Variants in ZNF737 observed in about 807,000 individuals in gnomAD.
ZNF737 encodes zinc finger protein 737, also known as zinc finger protein 102 (Y3).
ZNF737 carries 13 observed loss-of-function variants against 11.7 expected under a neutral mutation model. The ratio of observed to expected loss-of-function variants is 1.11; its 90% confidence interval spans 0.73 to 1.77. ZNF737 has a LOEUF of 1.77. ZNF737 is among the 40% of genes most tolerant of loss of function. The probability of loss-of-function intolerance (pLI) is 0.00; values close to 1 mark genes in which losing one functional copy is unlikely to be tolerated. For missense variants in ZNF737, 636 were observed against 638.0 expected (o/e 1.00, Z 0.03); for synonymous variants, 217 against 216.2 (o/e 1.00, Z -0.03).
chr19:20,539,040 A>T lies in ZNF737; in HGVS notation c.*5552T>A. ...GCTGGGAAAAGTGGCTCATGCCTGT[A>T]ATCCCAGCACTCTGGGAGGCTGAGG... is the stretch of plus-strand genomic sequence containing the variant. On this transcript the variant is annotated 3_prime_UTR_variant, in exon 4 of 4. Coordinates refer to ENST00000427401, the MANE Select transcript of ZNF737 (RefSeq NM_001159293.2). The T allele has an allele frequency of 1.0e-6, 1 of 975,612 alleles. No homozygotes were observed. Among genetic ancestry groups the T allele is most frequent in the Non-Finnish European group, 1.2e-6 (1 of 821,026 alleles). 60.4% of individuals were successfully genotyped at this position (975,612 alleles called of 1,614,324 possible).
At chr19:20,560,572 G>A (rs1181857105) in intron 1 of ZNF737, among the ~76,000 whole-genome samples, 4 of 152,120 alleles carry the variant, frequency 2.6e-5, no homozygotes, top group Admixed American at 2.6e-4. Context: ...CTTGAGGTCA[G>A]GAGTTCGAGA....
At chr19:20,557,843 CT>C (rs1201598306) in intron 1 of ZNF737, among the ~76,000 whole-genome samples, 1 of 152,092 alleles carries the variant, frequency 6.6e-6, no homozygotes, top group African/African-American at 2.4e-5. Flanking sequence ...TCCCAAACTC[CT>C]GACCTTGTGA....
downstream of ZNF737, among the ~76,000 whole-genome samples, chr19:20,532,042 C>CT (rs1967843133): frequency 6.7e-6 from 1 of 150,014 alleles, no homozygotes; most frequent in South Asian, 2.2e-4. Flanking sequence ...ATCAACAAAG[C>CT]TCTATCTTCA....
intron 1 of ZNF737, among the ~76,000 whole-genome samples, chr19:20,559,475 C>A (rs1350231010): frequency 1.2e-5 from 1 of 84,894 alleles, no homozygotes; most frequent in Non-Finnish European, 2.5e-5. Flanking sequence ...CCACATGTGG[C>A]TAAGAAGTAC....
rs904138902 is a variant in ZNF737, at chr19:20,542,175, C to T, written c.*2417G>A. The T allele has an allele frequency of 9.1e-6, 9 of 984,434 alleles. No homozygotes were observed. The highest frequency in any genetic ancestry group is 5.3e-5 in the African/African-American group (3 of 57,112). The allele number at this position is 984,434 out of a possible 1,614,324, so 61.0% of individuals were successfully genotyped here. A position where few individuals can be genotyped will look rare whatever the true frequency, so the allele number is the denominator to read the frequency against. On this transcript the variant is annotated 3_prime_UTR_variant, in exon 4 of 4. Coordinates refer to ENST00000427401, the MANE Select transcript of ZNF737 (RefSeq NM_001159293.2). ...GCACAATAATGGTTCATTAAACGCA[C>T]GGTAGTCTTACCATGGTAAAAATAA...
In ZNF737 at chr19:20,544,195, C is replaced by A; in HGVS notation, c.*397G>T. ...TTCCTCAAACTTGTAGGATTTTTGTCCAGCATGAATTATGTGTAAGAAGGG... is the reference window on the plus strand; with the variant it reads ...TTCCTCAAACTTGTAGGATTTTTGTACAGCATGAATTATGTGTAAGAAGGG... On this transcript the variant is annotated 3_prime_UTR_variant, in exon 4 of 4. Coordinates refer to ENST00000427401, the MANE Select transcript of ZNF737 (RefSeq NM_001159293.2). The A allele has an allele frequency of 4.0e-6, 4 of 1,010,974 alleles. No individual in the cohort carries two copies. The highest frequency in any genetic ancestry group is 4.7e-6 in the Non-Finnish European group (4 of 845,986). 62.6% of individuals were successfully genotyped at this position (1,010,974 alleles called of 1,614,324 possible). A position where few individuals can be genotyped will look rare whatever the true frequency, so the allele number is the denominator to read the frequency against.
At chr19:20,562,071 A>T (rs1368146062) in intron 1 of ZNF737, among the ~76,000 whole-genome samples, 3 of 152,188 alleles carry the variant, frequency 2.0e-5, no homozygotes, top group Non-Finnish European at 2.9e-5. Context: ...ATGGAAAGAA[A>T]CACTGTTCCC....
In ZNF737 at chr19:20,552,502, T is replaced by C; in HGVS notation, c.199A>G (p.Lys67Glu). 1 of 1,595,986 alleles carries C rather than the reference T, an allele frequency of 6.3e-7. No individual in the cohort carries two copies. The highest frequency in any genetic ancestry group is 8.5e-7 in the Non-Finnish European group (1 of 1,173,816). Residue 67 changes from lysine (K) to glutamate (E), a missense_variant, in exon 3 of 4, where the codon AAA becomes GAA. Physicochemically the swap from Lys to Glu is moderately conservative, Grantham distance 56 (BLOSUM62 1). Transcript: ENST00000427401. The stretch of plus-strand genomic sequence containing the variant: ...GAGGGGTTGGCTACCATCTCATGTT[T>C]CTTCATGGTCAAAGGTTTTTTTCCT... Reference protein sequence around the residue: ...EQGKKPLTMKKHEMVANPSVT... With the variant: ...EQGKKPLTMKEHEMVANPSVT...
intron 1 of ZNF737, among the ~76,000 whole-genome samples, chr19:20,559,933 G>C (rs1307053408): frequency 2.0e-5 from 3 of 151,640 alleles, no homozygotes; most frequent in Non-Finnish European, 4.4e-5. Flanking sequence ...TTGGGAGGCC[G>C]AGGCGGGTGG....
downstream of ZNF737, among the ~76,000 whole-genome samples, chr19:20,533,786 G>C (rs1368304652): frequency 1.3e-5 from 2 of 150,124 alleles, no homozygotes; most frequent in African/African-American, 4.9e-5. Flanking sequence ...GTAGCCACTA[G>C]TTAGATAATT....
Position 20,542,836 on chromosome 19 carries a change from C to A in ZNF737, c.*1756G>T. On this transcript the variant is annotated 3_prime_UTR_variant, in exon 4 of 4. Transcript: ENST00000427401. ...AAGCCACTGATCACATGCTTTCTCA[C>A]ATGTGAATAGAAATAAAATAACAGC... is the stretch of plus-strand genomic sequence containing the variant. 1 of 985,320 alleles carries A rather than the reference C, an allele frequency of 1.0e-6. No homozygotes were observed. Among genetic ancestry groups the A allele is most frequent in the African/African-American group, 1.7e-5 (1 of 57,342 alleles). 61.0% of individuals were successfully genotyped at this position (985,320 alleles called of 1,614,324 possible). A position where few individuals can be genotyped will look rare whatever the true frequency, so the allele number is the denominator to read the frequency against.
rs1968300649 is a variant in ZNF737, at chr19:20,543,420, T to C, written c.*1172A>G. 1.0e-6 allele frequency: 1 copy of C among 986,220 alleles called. No homozygotes were observed. Among genetic ancestry groups the C allele is most frequent in the African/African-American group, 1.7e-5 (1 of 57,282 alleles). The allele number at this position is 986,220 out of a possible 1,614,324, so 61.1% of individuals were successfully genotyped here. On this transcript the variant is annotated 3_prime_UTR_variant, in exon 4 of 4. Coordinates refer to ENST00000427401, the MANE Select transcript of ZNF737 (RefSeq NM_001159293.2). ...AATACTCTTCTTCACTTTAAAGGCT[T>C]ATACTTGCTGAAAGTTTTGACAGTA...
chr19:20,554,658 TA>T (rs148724204), intron 1 of ZNF737, among the ~76,000 whole-genome samples: 1 of 152,158 alleles, frequency 6.6e-6, no homozygotes, highest in Admixed American at 6.5e-5. Context: ...ATTCCTCTTT[TA>T]AAAAAGTAAA....
chr19:20,530,380 C>T, the ZNF737 span, among the ~76,000 whole-genome samples: 23 of 147,152 alleles, frequency 1.6e-4, 2 homozygotes, highest in Middle Eastern at 3.7e-3. Context: ...ACCTCCCTCC[C>T]GGACGGGGCG....
rs782583797 is a variant in ZNF737 at position 20,538,829 on chromosome 19, T to C, written c.*5763A>G. ...TACCAACTTTAGTCATACTATTTTT[T>C]AGCAACTAATGGCATCTGTTACCCA... On this transcript the variant is annotated 3_prime_UTR_variant, in exon 4 of 4. Transcript: ENST00000427401. 1.0e-6 allele frequency: 1 copy of C among 985,272 alleles called. No individual in the cohort carries two copies. The highest frequency in any genetic ancestry group is 1.7e-5 in the African/African-American group (1 of 57,258). 61.0% of individuals were successfully genotyped at this position (985,272 alleles called of 1,614,324 possible). A position where few individuals can be genotyped will look rare whatever the true frequency, so the allele number is the denominator to read the frequency against.
At chr19:20,537,511 A>ATTTTTTTTTTTTTTT (rs1163609628), downstream of ZNF737, among the ~76,000 whole-genome samples, 2 of 77,090 alleles carry the variant, frequency 2.6e-5, no homozygotes, top group African/African-American at 9.7e-5. Flanking sequence ...CTGGTTTTCT[A>ATTTTTTTTTTTTTTT]TTTTTTTTTT....
At position 20,545,054 on chromosome 19, in the gene ZNF737, G is replaced by T; in HGVS notation, c.1149C>A (p.His383Gln). Reference protein sequence around the residue: ...ECGKAFNWSSHLTTHKRIHTG... With the variant: ...ECGKAFNWSSQLTTHKRIHTG... ...TATGAATTCTCTTATGTGTAGTAAG[G>T]TGTGAGGACCAGTTGAAGGCTTTGC... is the stretch of plus-strand genomic sequence containing the variant. Residue 383 changes from histidine (H) to glutamine (Q), a missense_variant, in exon 4 of 4, where the codon CAC (histidine) becomes CAA (glutamine). Physicochemically the swap from His to Gln is conservative, Grantham distance 24 (BLOSUM62 0). Coordinates refer to ENST00000427401, the MANE Select transcript of ZNF737 (RefSeq NM_001159293.2). 6.2e-7 allele frequency: 1 copy of T among 1,613,840 alleles called. No individual in the cohort carries two copies. Among genetic ancestry groups the T allele is most frequent in the Non-Finnish European group, 8.5e-7 (1 of 1,179,972 alleles).
intron 1 of ZNF737, among the ~76,000 whole-genome samples, chr19:20,558,600 C>A (rs1968974069): frequency 2.6e-5 from 4 of 152,114 alleles, no homozygotes; most frequent in African/African-American, 9.7e-5. Flanking sequence ...TACTAGGAAA[C>A]TGGAGAAACT....
chr19:20,543,357 T>A lies in ZNF737; in HGVS notation c.*1235A>T. 1.0e-6 allele frequency: 1 copy of A among 986,514 alleles called. No individual in the cohort carries two copies. The highest frequency in any genetic ancestry group is 1.2e-6 in the Non-Finnish European group (1 of 829,758). The allele number at this position is 986,514 out of a possible 1,614,324, so 61.1% of individuals were successfully genotyped here. On this transcript the variant is annotated 3_prime_UTR_variant, in exon 4 of 4. Coordinates refer to ENST00000427401, the MANE Select transcript of ZNF737 (RefSeq NM_001159293.2). Reference sequence around the variant, plus strand: ...CTGTGATACTAGTAAATGTACTATGTAACTCCCTTTATATTTGTAATGCTT... The same window carrying A: ...CTGTGATACTAGTAAATGTACTATGAAACTCCCTTTATATTTGTAATGCTT...
Sources: gnomAD v4.1 joint callset for allele counts (sites outside exome capture counted in the v4.1 genomes callset) on GRCh38, gnomAD v4.1.1 for gene constraint, MANE v1.5 for transcripts, NCBI Gene and HGNC (gene_info 2026-07-23, HGNC 2026-07-21) for gene names.